Variants in LAMA2 observed in about 807,000 individuals in gnomAD.
The protein encoded by LAMA2 is laminin subunit alpha-2.
In LAMA2, 269 loss-of-function variants were observed where a neutral mutation model predicts 364.8. That is an observed-to-expected ratio of 0.74 (90% CI 0.67 to 0.82). The LOEUF (loss-of-function observed/expected upper bound fraction) is 0.82. Among genes scored for constraint, LAMA2 ranks in the 40% least tolerant of loss-of-function variants. The probability of loss-of-function intolerance (pLI) is 0.00; values close to 1 mark genes in which losing one functional copy is unlikely to be tolerated. For missense variants in LAMA2, 3,807 were observed against 3,873.2 expected (o/e 0.98, Z 0.45); for synonymous variants, 1,379 against 1,370.6 (o/e 1.01, Z -0.14).
At chr6:128,981,278 C>T (rs775451907) in intron 1 of LAMA2, among the ~76,000 whole-genome samples, 4 of 152,018 alleles carry the variant, frequency 2.6e-5, no homozygotes, top group African/African-American at 9.7e-5. Flanking sequence ...TCTCTATAAC[C>T]TAGTAATATC....
At chr6:128,968,168 G>A (rs1781967011) in intron 1 of LAMA2, among the ~76,000 whole-genome samples, 1 of 152,150 alleles carries the variant, frequency 6.6e-6, no homozygotes, top group South Asian at 2.1e-4. Flanking sequence ...ATTTTGTGAG[G>A]TCTTTATAAA....
rs761896371 is a variant in LAMA2 at position 129,300,847 on chromosome 6, G to T, written c.3149G>T (p.Gly1050Val). The change falls in exon 22 of 65, where the codon GGC becomes GTC. Residue 1050 changes from glycine to valine, a missense_variant. Physicochemically the swap from Gly to Val is moderately radical, Grantham distance 109. This residue lies in a region of LAMA2 where 3,333 missense variants were observed against 3,345.7 expected (regional missense o/e 1.00). Coordinates refer to ENST00000421865, the MANE Select transcript of LAMA2 (RefSeq NM_000426.4). ...KCSKCAPNTW[G>V]HSITTGCKAC... ...TCTAAATGTGCACCCAATACCTGGG[G>T]CCACAGCATTACCACTGGTTGTAAG... The T allele has an allele frequency of 4.3e-6, 7 of 1,613,802 alleles. No homozygotes were observed. The highest frequency in any genetic ancestry group is 3.3e-5 in the Admixed American group (2 of 60,000).
chr6:129,509,475 T>G (rs1345638565), intron 62 of LAMA2, among the ~76,000 whole-genome samples: 3 of 152,194 alleles, frequency 2.0e-5, no homozygotes, highest in Admixed American at 6.5e-5. Context: ...TGTAATAGTT[T>G]CATAGTTGGA....
chr6:129,153,183 A>C (rs2114974239), intron 7 of LAMA2, among the ~76,000 whole-genome samples: 1 of 152,362 alleles, frequency 6.6e-6, no homozygotes, highest in Middle Eastern at 3.4e-3. Flanking sequence ...AACATGAAAA[A>C]GACAAGGAGG....
At chr6:129,238,779 T>A (rs184970398) in intron 12 of LAMA2, among the ~76,000 whole-genome samples, 91 of 152,312 alleles carry the variant, frequency 6.0e-4, no homozygotes, top group Admixed American at 5.1e-3. Context: ...CATTATACAA[T>A]TTCCGGAGAT....
At chr6:129,303,954 A>G (rs1313862482) in intron 22 of LAMA2, among the ~76,000 whole-genome samples, 1 of 152,212 alleles carries the variant, frequency 6.6e-6, no homozygotes, top group Non-Finnish European at 1.5e-5. Context: ...TAATTTATAA[A>G]AGCGTTTTCA....
intron 40 of LAMA2, among the ~76,000 whole-genome samples, chr6:129,404,471 A>G (rs1780145513): frequency 6.6e-6 from 1 of 152,210 alleles, no homozygotes; most frequent in Non-Finnish European, 1.5e-5. Context: ...ACCTTTGGCT[A>G]CAATCATTGT....
intron 12 of LAMA2, among the ~76,000 whole-genome samples, chr6:129,233,689 C>G (rs575986286): frequency 4.6e-5 from 7 of 152,052 alleles, no homozygotes; most frequent in Non-Finnish European, 7.4e-5. Flanking sequence ...ATAAATGGAC[C>G]GGACTTGCAC....
intron 1 of LAMA2, among the ~76,000 whole-genome samples, chr6:128,902,177 G>A (rs1005183788): frequency 8.5e-5 from 13 of 152,152 alleles, no homozygotes; most frequent in Admixed American, 7.2e-4. Flanking sequence ...CACCTTCCAG[G>A]AGGTCCCTCC....
chr6:129,045,324 A>G (rs184794648), intron 1 of LAMA2, among the ~76,000 whole-genome samples: 2 of 152,358 alleles, frequency 1.3e-5, no homozygotes, highest in Admixed American at 1.3e-4. Context: ...CTATGAAGCA[A>G]CAATGGCATG....
chr6:129,149,235 A>G (rs1778655730), intron 7 of LAMA2, 139 bp downstream of exon 7: 8 of 706,750 alleles, frequency 1.1e-5, no homozygotes, highest in South Asian at 7.5e-5. Flanking sequence ...AAGACAACCC[A>G]TATGTCTAGC....
intron 3 of LAMA2, among the ~76,000 whole-genome samples, chr6:129,081,118 T>G (rs1774024049): frequency 1.3e-5 from 2 of 152,074 alleles, no homozygotes; most frequent in African/African-American, 2.4e-5. Flanking sequence ...CTGGAAACCA[T>G]CATTCTCAGC....
At chr6:129,144,205 A>T in intron 5 of LAMA2, 125 bp downstream of exon 5, 1 of 658,032 alleles carries the variant, frequency 1.5e-6, no homozygotes, top group Non-Finnish European at 2.6e-6. Context: ...TTTATTTTAG[A>T]ATTGTAGATT....
At chr6:128,944,884 A>T (rs1272725161) in intron 1 of LAMA2, among the ~76,000 whole-genome samples, 1 of 152,124 alleles carries the variant, frequency 6.6e-6, no homozygotes, top group Non-Finnish European at 1.5e-5. Flanking sequence ...TCCAAGGGGG[A>T]TGGTGCTAAA....
At position 128,983,074 on chromosome 6, in the gene LAMA2, C is replaced by T. The variant is rs566234638; in HGVS notation, c.113-66844C>T. Among the ~76,000 whole-genome samples, 13 of 151,774 alleles carry T rather than the reference C, an allele frequency of 8.6e-5. 1 individual carries two copies. In the East Asian group the frequency reaches 1.4e-3, roughly 16 times the overall value. On this transcript the variant is annotated intron_variant, in intron 1 of 64. Coordinates refer to ENST00000421865, the MANE Select transcript of LAMA2 (RefSeq NM_000426.4). The stretch of plus-strand genomic sequence containing the variant: ...TGTGAATAGTGCCGCAATAAACATA[C>T]GTGTGCATGTGTCTTTATAGCAGCA...
chr6:128,960,237 G>A (rs573210402), intron 1 of LAMA2, among the ~76,000 whole-genome samples: 6 of 150,388 alleles, frequency 4.0e-5, no homozygotes, highest in South Asian at 4.2e-4. Context: ...ATTTAACAAT[G>A]TGTTATTTAT....
chr6:129,506,802 T>C (rs1008653094), intron 61 of LAMA2, among the ~76,000 whole-genome samples: 1 of 152,188 alleles, frequency 6.6e-6, no homozygotes, highest in Non-Finnish European at 1.5e-5. Flanking sequence ...TGATCAGTAT[T>C]ACTTTTCTTT....
rs1419536060 is a variant in LAMA2 at position 129,098,431 on chromosome 6, T to G, written c.639+16T>G. On this transcript the variant is annotated intron_variant, in intron 4 of 64. Coordinates refer to ENST00000421865, the MANE Select transcript of LAMA2 (RefSeq NM_000426.4). The stretch of plus-strand genomic sequence containing the variant: ...AAATGGAGAGGTAAGATGAGAAAAC[T>G]CACCATTTAAGCACATTTGATACGG... 1 of 1,613,612 alleles carries G rather than the reference T, an allele frequency of 6.2e-7. No homozygotes were observed. The highest frequency in any genetic ancestry group is 8.5e-7 in the Non-Finnish European group (1 of 1,179,860).
At chr6:128,957,836 A>C (rs1360616494) in intron 1 of LAMA2, among the ~76,000 whole-genome samples, 1 of 51,264 alleles carries the variant, frequency 2.0e-5, no homozygotes, top group Non-Finnish European at 3.4e-5. Context: ...TACTTCATGC[A>C]TTTTTTTTTT....
Sources: gnomAD v4.1 joint callset for allele counts (sites outside exome capture counted in the v4.1 genomes callset) on GRCh38, gnomAD v4.1.1 for gene constraint, gnomAD v4.1.1 regional missense constraint, MANE v1.5 for transcripts, NCBI Gene and HGNC (gene_info 2026-07-23, HGNC 2026-07-21) for gene names.